GRK5: variants seen among roughly 807,000 people sequenced by gnomAD.
GRK5 encodes g protein-coupled receptor kinase GRK5.
A neutral mutation model predicts 78.4 loss-of-function variants in GRK5; 40 were observed. The observed-to-expected ratio is 0.51, with a 90% CI of 0.40 to 0.66. GRK5 has a LOEUF of 0.66. Among genes scored for constraint, GRK5 ranks in the 30% least tolerant of loss-of-function variants. The pLI is 0.00. For synonymous variants in GRK5, 289 were observed against 296.8 expected (o/e 0.97, Z 0.27); for missense variants, 598 against 759.9 (o/e 0.79, Z 2.50).
At chr10:119,309,309 A>G (rs906976537) in intron 1 of GRK5, among the ~76,000 whole-genome samples, 3 of 152,212 alleles carry the variant, frequency 2.0e-5, no homozygotes, top group African/African-American at 7.2e-5. Context: ...GCCACGTGCC[A>G]AGCACCAAGT....
intron 4 of GRK5, among the ~76,000 whole-genome samples, chr10:119,418,929 G>A (rs554741363): frequency 6.6e-6 from 1 of 152,226 alleles, no homozygotes; most frequent in South Asian, 2.1e-4. Flanking sequence ...TGTATGGTTA[G>A]ACATTCAAGG....
intron 1 of GRK5, among the ~76,000 whole-genome samples, chr10:119,239,548 ATATTT>A: frequency 6.6e-6 from 1 of 152,140 alleles, no homozygotes. Flanking sequence ...GTTTATTATT[ATATTT>A]TAAGTTCTGG....
intron 2 of GRK5, among the ~76,000 whole-genome samples, chr10:119,344,727 A>T (rs897546783): frequency 6.6e-6 from 1 of 152,250 alleles, no homozygotes; most frequent in South Asian, 2.1e-4. Context: ...CAGCTCAGGC[A>T]TATTCCAGGT....
chr10:119,420,063 A>G (rs1297056139), intron 4 of GRK5, among the ~76,000 whole-genome samples: 1 of 152,208 alleles, frequency 6.6e-6, no homozygotes, highest in Non-Finnish European at 1.5e-5. Context: ...ACCTAGGTTC[A>G]AATCCCCTCT....
intron 1 of GRK5, among the ~76,000 whole-genome samples, chr10:119,315,750 C>T (rs544891788): frequency 3.3e-5 from 5 of 152,298 alleles, no homozygotes; most frequent in East Asian, 3.9e-4. Context: ...GATGAGTCAT[C>T]GGCCTTTTGT....
At chr10:119,306,314 T>C (rs1249646963) in intron 1 of GRK5, among the ~76,000 whole-genome samples, 4 of 152,146 alleles carry the variant, frequency 2.6e-5, no homozygotes, top group Non-Finnish European at 4.4e-5. Context: ...TCTGTGTGAG[T>C]CTGTTCAGCC....
rs921613796 is a variant in GRK5 at position 119,455,257 on chromosome 10, C to A, written c.*190C>A. ...GAAATTTCCACTCAGGTCTGTTTTC[C>A]GAGGCGGCCCCGGCCGGGGTGGATT... On this transcript the variant is annotated 3_prime_UTR_variant, in exon 16 of 16. Coordinates refer to ENST00000392870, the MANE Select transcript of GRK5 (RefSeq NM_005308.3). 8 of 701,928 alleles carry A rather than the reference C, an allele frequency of 1.1e-5. No homozygotes were observed. The highest frequency in any genetic ancestry group is 7.0e-5 in the African/African-American group (4 of 57,250). 43.5% of individuals were successfully genotyped at this position (701,928 alleles called of 1,614,324 possible).
intron 1 of GRK5, among the ~76,000 whole-genome samples, chr10:119,265,055 T>C (rs1849472132): frequency 6.6e-6 from 1 of 152,218 alleles, no homozygotes; most frequent in Admixed American, 6.5e-5. Flanking sequence ...CCTTGCCTCA[T>C]CTTAACCTGT....
chr10:119,261,767 C>T (rs1030470637), intron 1 of GRK5, among the ~76,000 whole-genome samples: 45 of 152,278 alleles, frequency 3.0e-4, no homozygotes, highest in African/African-American at 8.4e-4. Flanking sequence ...GGCGTGGCGG[C>T]GCGCGCCTGC....
At chr10:119,427,788 C>T (rs1434072444) in intron 6 of GRK5, among the ~76,000 whole-genome samples, 2 of 129,202 alleles carry the variant, frequency 1.5e-5, no homozygotes, top group African/African-American at 5.1e-5. Context: ...CCACCATCAT[C>T]AGCATCACCA....
intron 12 of GRK5, among the ~76,000 whole-genome samples, chr10:119,444,173 C>G (rs115402878): frequency 3.9e-5 from 6 of 151,916 alleles, no homozygotes; most frequent in Non-Finnish European, 8.8e-5. Context: ...TGGTTTAAGA[C>G]GAAGGGCTAC....
In GRK5 at chr10:119,238,968, G is replaced by A. The variant is rs978881142; in HGVS notation, c.52+30999G>A. ...GTTGAAGCCAAGGCATTAGAGAAAC[G>A]TGATTTTTCATTTAATTATATATAT... On this transcript the variant is annotated intron_variant, in intron 1 of 15. Transcript: ENST00000392870. The surrounding 1 kb of genome is among the most constrained non-coding windows in gnomAD (Gnocchi z 4.7). Among the ~76,000 whole-genome samples the A allele has an allele frequency of 2.6e-5, 4 of 152,190 alleles. No individual in the cohort carries two copies. The highest frequency in any genetic ancestry group is 5.9e-5 in the Non-Finnish European group (4 of 67,998).
intron 1 of GRK5, among the ~76,000 whole-genome samples, chr10:119,234,330 T>C (rs541396530): frequency 6.6e-6 from 1 of 152,318 alleles, no homozygotes; most frequent in Non-Finnish European, 1.5e-5. Flanking sequence ...CTCACGTTGG[T>C]GTTGACAAAA....
intron 4 of GRK5, among the ~76,000 whole-genome samples, chr10:119,404,946 G>C (rs570392649): frequency 6.6e-6 from 1 of 152,380 alleles, no homozygotes; most frequent in East Asian, 1.9e-4. Flanking sequence ...CCAGAATGGG[G>C]AAGCGCCTGC....
At position 119,412,968 on chromosome 10, in the gene GRK5, G is replaced by C. The variant is rs1554919230; in HGVS notation, c.340-10198G>C. Reference sequence around the variant, plus strand: ...CTCTTGGCCGTGTGAAGAGCACTTGGAGGCCTCCTGCTCACCTGGCCTAAG... The same window carrying C: ...CTCTTGGCCGTGTGAAGAGCACTTGCAGGCCTCCTGCTCACCTGGCCTAAG... On this transcript the variant is annotated intron_variant, in intron 4 of 15. Transcript: ENST00000392870. This position sits in a 1 kb window ranked among gnomAD's most constrained non-coding sequence, Gnocchi z 4.3. 1.3e-5 allele frequency among the ~76,000 whole-genome samples: 2 copies of C among 152,178 alleles called. No individual in the cohort carries two copies.
At chr10:119,417,288 C>T (rs1348711085) in intron 4 of GRK5, among the ~76,000 whole-genome samples, 7 of 152,266 alleles carry the variant, frequency 4.6e-5, no homozygotes, top group East Asian at 1.9e-4. Context: ...CAGGCCTGGC[C>T]CCTGCCTTCC....
At chr10:119,230,830 CAAAAAAA>C (rs5788332) in intron 1 of GRK5, among the ~76,000 whole-genome samples, 1 of 61,522 alleles carries the variant, frequency 1.6e-5, no homozygotes, top group African/African-American at 7.2e-5. Context: ...GACCCTATCT[CAAAAAAA>C]AAAAAAAAAA....
chr10:119,218,942 G>A (rs569796473), intron 1 of GRK5, among the ~76,000 whole-genome samples: 1 of 148,550 alleles, frequency 6.7e-6, no homozygotes, highest in African/African-American at 2.6e-5. Context: ...TCTGTCCCTA[G>A]GCCAGAGTGC....
Position 119,375,954 on chromosome 10 carries a change from G to A in GRK5, c.149-4861G>A, listed in dbSNP as rs150937219. ...CCTCTGTAAATGTCTCAGACTTGCC[G>A]CCACCCCATTTTTGTCCCCTTTTCT... On this transcript the variant is annotated intron_variant, in intron 2 of 15. Transcript: ENST00000392870. Among the ~76,000 whole-genome samples, 806 of 152,272 alleles carry A rather than the reference G, an allele frequency of 5.3e-3. 4 individuals are homozygous for A. Among genetic ancestry groups the A allele is most frequent in the African/African-American group, 0.018 (762 of 41,552 alleles).
Sources: gnomAD v4.1 joint callset for allele counts (sites outside exome capture counted in the v4.1 genomes callset) on GRCh38, gnomAD v4.1.1 for gene constraint, Gnocchi (gnomAD v3.1) non-coding constraint, MANE v1.5 for transcripts, NCBI Gene and HGNC (gene_info 2026-07-23, HGNC 2026-07-21) for gene names.